The following MKRN2 variants were observed in gnomAD, a reference collection of about 807,000 sequenced individuals.
MKRN2 encodes E3 ubiquitin-protein ligase makorin-2.
Under a neutral mutation model 45.4 loss-of-function variants are expected in MKRN2, and 32 were observed. That is an observed-to-expected ratio of 0.70 (90% CI 0.53 to 0.95). The LOEUF (loss-of-function observed/expected upper bound fraction) is 0.95, where lower values mean the gene tolerates loss of function less well. MKRN2 is among the 40% of genes least tolerant of loss of function. The pLI is 0.00. For missense variants in MKRN2, 526 were observed against 536.7 expected (o/e 0.98, Z 0.20); for synonymous variants, 206 against 192.4 (o/e 1.07, Z -0.59).
intron 6 of MKRN2, 195 bp downstream of exon 6, chr3:12,576,936 T>TTTGTTTTTG: frequency 5.1e-6 from 1 of 194,694 alleles, no homozygotes. Context: ...TTTTGGTGTT[T>TTTGTTTTTG]TTTTTTTTTT....
rs1456954573 is a variant in MKRN2, at chr3:12,582,207, G to GAAA, written c.1205_1206insAAA (p.Gly402_Asp403insLys). ...GAAGATGTCGACATGACAGAGCTCGGGGACCTCTTCATGCACCTTTCTGGA... is the reference window on the plus strand; with the variant it reads ...GAAGATGTCGACATGACAGAGCTCGGAAAGGACCTCTTCATGCACCTTTCTGGA... On this transcript the variant is annotated inframe_insertion, in exon 8 of 8. Coordinates refer to ENST00000170447, the MANE Select transcript of MKRN2 (RefSeq NM_014160.5). The GAAA allele has an allele frequency of 1.9e-6, 3 of 1,614,092 alleles. No individual in the cohort carries two copies. Among genetic ancestry groups the GAAA allele is most frequent in the Non-Finnish European group, 2.5e-6 (3 of 1,180,018 alleles).
chr3:12,579,477 A>G (rs1477336457), intron 6 of MKRN2, among the ~76,000 whole-genome samples: 1 of 152,154 alleles, frequency 6.6e-6, no homozygotes. Flanking sequence ...AAGTAAGACA[A>G]CTTCATGGGA....
rs1469336385 is a variant in MKRN2 at position 12,582,134 on chromosome 3, C to T, written c.1132C>T (p.Leu378Phe). 6.2e-7 allele frequency: 1 copy of T among 1,614,158 alleles called. No homozygotes were observed. Among genetic ancestry groups the T allele is most frequent in the South Asian group, 1.1e-5 (1 of 91,078 alleles). Residue 378 changes from leucine to phenylalanine, a missense_variant, in exon 8 of 8, where the codon CTC (leucine) becomes TTC (phenylalanine). Leu to Phe is a conservative substitution (Grantham distance 22, BLOSUM62 0). Transcript: ENST00000170447. ...TTTGCAGTTCTTTAATTCAGTGCGG[C>T]TCTGGGATTTCATCGAGAACCGAGA... ...GTVRFFNSVR[L>F]WDFIENRESR...
chr3:12,566,223 A>G (rs1335049705), intron 1 of MKRN2, among the ~76,000 whole-genome samples: 1 of 152,024 alleles, frequency 6.6e-6, no homozygotes. Context: ...CTGAGGTTCT[A>G]CTCCCAGTAC....
chr3:12,572,886 A>AT (rs368028479), intron 4 of MKRN2, among the ~76,000 whole-genome samples: 1 of 152,262 alleles, frequency 6.6e-6, no homozygotes, highest in African/African-American at 2.4e-5. Flanking sequence ...TGCCCGGCCT[A>AT]TTTTGCCAAT....
intron 6 of MKRN2, among the ~76,000 whole-genome samples, chr3:12,579,549 C>G (rs915127366): frequency 6.6e-6 from 1 of 152,208 alleles, no homozygotes; most frequent in Non-Finnish European, 1.5e-5. Context: ...GAGGGACCAT[C>G]TATCACAACA....
chr3:12,579,059 C>T (rs1007845241), intron 6 of MKRN2, among the ~76,000 whole-genome samples: 1 of 152,110 alleles, frequency 6.6e-6, no homozygotes, highest in Non-Finnish European at 1.5e-5. Flanking sequence ...TCTTTCCTTG[C>T]TTTGCTTTCC....
chr3:12,576,732 A>G lies in MKRN2; in HGVS notation c.959A>G (p.Gln320Arg), dbSNP rs1380216886. The G allele has an allele frequency of 3.1e-6, 5 of 1,598,536 alleles. No homozygotes were observed. Among genetic ancestry groups the G allele is most frequent in the Non-Finnish European group, 3.4e-6 (4 of 1,166,444 alleles). Residue 320 changes from glutamine (Q) to arginine (R), a missense_variant, in exon 6 of 8, where the codon CAG becomes CGG. Gln to Arg is a conservative substitution (Grantham distance 43). Transcript: ENST00000170447. ...AACGAGTTGATTGAAGCTTTCAAACAGGGGATGGGGTAAGTGCTTTTGAGT... is the reference window on the plus strand; with the variant it reads ...AACGAGTTGATTGAAGCTTTCAAACGGGGGATGGGGTAAGTGCTTTTGAGT... ...KKNELIEAFKQGMGKKACKYF... is the reference protein window; with the variant it reads ...KKNELIEAFKRGMGKKACKYF...
chr3:12,559,452 T>A (rs887245916), intron 1 of MKRN2, among the ~76,000 whole-genome samples: 10 of 152,208 alleles, frequency 6.6e-5, no homozygotes, highest in African/African-American at 2.2e-4. Flanking sequence ...TTGTTTTTTT[T>A]AATCTCAGGT....
Position 12,570,366 on chromosome 3 carries a change from G to A in MKRN2, c.337+114G>A, listed in dbSNP as rs2058091454. The stretch of plus-strand genomic sequence containing the variant: ...GGACTCCTAACCTAATACACCTCCA[G>A]ATTGTCTGCGCGGAGAGACTTCAGA... On this transcript the variant is annotated intron_variant, in intron 3 of 7. Transcript: ENST00000170447. 2.8e-6 allele frequency: 3 copies of A among 1,058,292 alleles called. No individual in the cohort carries two copies. The Admixed American group carries it at 8.0e-5, about 28-fold the overall frequency. The allele number at this position is 1,058,292 out of a possible 1,614,324, so 65.6% of individuals were successfully genotyped here. A position where few individuals can be genotyped will look rare whatever the true frequency, so the allele number is the denominator to read the frequency against.
At chr3:12,570,897 A>AG (rs1429585629) in intron 3 of MKRN2, among the ~76,000 whole-genome samples, 3 of 151,622 alleles carry the variant, frequency 2.0e-5, no homozygotes, top group African/African-American at 7.3e-5. Flanking sequence ...AAAAAAAAAA[A>AG]AAAAAAGAAA....
chr3:12,561,823 A>G (rs1444262043), intron 1 of MKRN2, among the ~76,000 whole-genome samples: 1 of 152,078 alleles, frequency 6.6e-6, no homozygotes, highest in Non-Finnish European at 1.5e-5. Context: ...TCTGAGGACA[A>G]TTGAAATATT....
At chr3:12,559,428 TTTTG>T (rs1379471260) in intron 1 of MKRN2, among the ~76,000 whole-genome samples, 5 of 152,212 alleles carry the variant, frequency 3.3e-5, no homozygotes, top group East Asian at 1.9e-4. Context: ...TTTTTGTGGG[TTTTG>T]TTTGTTTTTT....
intron 1 of MKRN2, among the ~76,000 whole-genome samples, chr3:12,566,828 C>G (rs2058071297): frequency 1.3e-5 from 2 of 152,128 alleles, no homozygotes; most frequent in African/African-American, 4.8e-5. Flanking sequence ...GTTTCGAACT[C>G]CTGACCTCTG....
chr3:12,580,802 C>G (rs1233916872), intron 6 of MKRN2, among the ~76,000 whole-genome samples: 2 of 152,208 alleles, frequency 1.3e-5, no homozygotes, highest in East Asian at 3.9e-4. Context: ...CCTCAGAGAA[C>G]TTCACCACCG....
intron 6 of MKRN2, 71 bp downstream of exon 6, chr3:12,576,812 T>C (rs2058140543): frequency 9.7e-6 from 11 of 1,137,572 alleles, no homozygotes; most frequent in South Asian, 7.9e-5. Flanking sequence ...GTCCTCGTTC[T>C]CCTTCCCAGG....
At chr3:12,567,481 C>CTTT (rs35726193) in intron 1 of MKRN2, among the ~76,000 whole-genome samples, 72 of 76,960 alleles carry the variant, frequency 9.4e-4, no homozygotes, top group African/African-American at 1.4e-3. Flanking sequence ...GCTAGTTTAT[C>CTTT]TTTTTTTTTT....
At chr3:12,557,221 G>T (rs1301172648) in intron 1 of MKRN2, 45 bp downstream of exon 1, 3 of 1,525,142 alleles carry the variant, frequency 2.0e-6, no homozygotes, top group Non-Finnish European at 1.8e-6. Context: ...CCCCCAGGCC[G>T]CAGGGGGGCC....
chr3:12,560,607 A>G (rs2058029136), intron 1 of MKRN2: 2 of 152,188 alleles, frequency 1.3e-5, no homozygotes, highest in Non-Finnish European at 1.5e-5. Flanking sequence ...TGTTTTGCTT[A>G]GCACTGCTGC....
Sources: allele counts gnomAD v4.1 joint callset (sites outside exome capture counted in the v4.1 genomes callset), GRCh38; gene constraint gnomAD v4.1.1; transcripts MANE v1.5; gene names NCBI Gene and HGNC (gene_info 2026-07-23, HGNC 2026-07-21).